The following ASIC2 variants were observed in gnomAD, a reference collection of about 807,000 sequenced individuals.
ASIC2 encodes the protein acid-sensing ion channel 2.
ASIC2 carries 25 observed loss-of-function variants against 57.3 expected under a neutral mutation model. That is an observed-to-expected ratio of 0.44 (90% CI 0.32 to 0.61). The LOEUF is 0.61. Ranked by LOEUF, ASIC2 falls within the 20% of genes least tolerant of loss-of-function variation. The pLI is 0.06. For synonymous variants in ASIC2, 319 were observed against 307.5 expected, an observed-to-expected ratio of 1.04 and a Z score of -0.39; for missense variants, 641 against 738.1, an observed-to-expected ratio of 0.87 and a Z score of 1.52.
At chr17:33,457,487 G>C (rs1020777939) in intron 1 of ASIC2, among the ~76,000 whole-genome samples, 3 of 152,092 alleles carry the variant, frequency 2.0e-5, no homozygotes, top group African/African-American at 7.2e-5. Context: ...ATTGCCAATT[G>C]AACAACTGCT....
At chr17:33,491,066 C>T (rs1218340261) in intron 1 of ASIC2, among the ~76,000 whole-genome samples, 2 of 152,194 alleles carry the variant, frequency 1.3e-5, no homozygotes, top group Non-Finnish European at 2.9e-5. Context: ...TGTTCCTCTT[C>T]CTCTGCAGCT....
At position 33,265,634 on chromosome 17, in the gene ASIC2, C is replaced by T. The variant is rs868333037; in HGVS notation, c.708+25774G>A. Among the ~76,000 whole-genome samples the T allele has an allele frequency of 1.8e-4, 28 of 152,128 alleles. No homozygotes were observed. The Middle Eastern group carries it at 0.01, about 55-fold the overall frequency. ...TATTTACCTATGTAAGAAACCTGCA[C>T]GTCCTGCACATGAACCCTGGAATGT... is the stretch of plus-strand genomic sequence containing the variant. On this transcript the variant is annotated intron_variant, in intron 1 of 9. Coordinates refer to ENST00000225823, the MANE Select transcript of ASIC2 (RefSeq NM_183377.2).
intron 1 of ASIC2, among the ~76,000 whole-genome samples, chr17:33,988,921 G>C (rs575549481): frequency 6.6e-6 from 1 of 152,056 alleles, no homozygotes; most frequent in Non-Finnish European, 1.5e-5. Flanking sequence ...TCTGAGTCAG[G>C]CTGAGCCAAA....
At chr17:33,718,487 C>T (rs1346574588) in intron 1 of ASIC2, among the ~76,000 whole-genome samples, 1 of 151,894 alleles carries the variant, frequency 6.6e-6, no homozygotes, top group Admixed American at 6.6e-5. Context: ...TGAGAAGATG[C>T]CCTTGTAGTA....
intron 1 of ASIC2, among the ~76,000 whole-genome samples, chr17:33,763,688 A>G (rs1274614352): frequency 6.6e-6 from 1 of 152,192 alleles, no homozygotes; most frequent in Non-Finnish European, 1.5e-5. Flanking sequence ...CCTCTGCTGC[A>G]TATTCCAAAT....
chr17:33,615,326 A>G (rs1366942768), intron 1 of ASIC2, among the ~76,000 whole-genome samples: 1 of 152,228 alleles, frequency 6.6e-6, no homozygotes, highest in African/African-American at 2.4e-5. Flanking sequence ...TTCTTTCACC[A>G]AAAGTGGGTG....
chr17:34,132,306 A>G (rs1912002315), intron 1 of ASIC2, among the ~76,000 whole-genome samples: 1 of 152,154 alleles, frequency 6.6e-6, no homozygotes, highest in Non-Finnish European at 1.5e-5. Context: ...AGACCCAAAG[A>G]GTGAGCAGCA....
intron 1 of ASIC2, among the ~76,000 whole-genome samples, chr17:33,879,133 G>T (rs1265841168): frequency 2.0e-5 from 3 of 152,160 alleles, no homozygotes; most frequent in African/African-American, 4.8e-5. Flanking sequence ...GGAACAACCG[G>T]TACCAGCCAC....
intron 1 of ASIC2, among the ~76,000 whole-genome samples, chr17:33,618,016 C>T (rs1353006804): frequency 1.3e-5 from 2 of 152,146 alleles, no homozygotes; most frequent in Non-Finnish European, 2.9e-5. Context: ...AATGAATGCT[C>T]ATGCTGCACA....
chr17:33,838,476 C>A (rs554087416), intron 1 of ASIC2, among the ~76,000 whole-genome samples: 1 of 152,162 alleles, frequency 6.6e-6, no homozygotes, highest in African/African-American at 2.4e-5. Context: ...TCAGATGACA[C>A]ATTCTTAAAG....
intron 1 of ASIC2, among the ~76,000 whole-genome samples, chr17:33,314,962 A>T (rs1906583763): frequency 6.6e-6 from 1 of 152,160 alleles, no homozygotes; most frequent in East Asian, 1.9e-4. Context: ...CAAAGGGATT[A>T]AGGAAATTGG....
At chr17:33,789,046 G>C (rs909578076) in intron 1 of ASIC2, among the ~76,000 whole-genome samples, 1 of 152,102 alleles carries the variant, frequency 6.6e-6, no homozygotes, top group African/African-American at 2.4e-5. Flanking sequence ...AAGAAAAAAA[G>C]TGTGTAACAC....
chr17:33,068,060 C>T (rs1446259105), intron 3 of ASIC2, among the ~76,000 whole-genome samples: 2 of 152,114 alleles, frequency 1.3e-5, no homozygotes, highest in Admixed American at 6.5e-5. Flanking sequence ...AGATGCTTGC[C>T]CACTCAGACA....
At chr17:33,125,144 G>A (rs564514532) in intron 1 of ASIC2, among the ~76,000 whole-genome samples, 27 of 152,350 alleles carry the variant, frequency 1.8e-4, no homozygotes, top group Middle Eastern at 6.8e-3. Context: ...TCTGTGGCCT[G>A]GGGGTTGGGG....
chr17:33,842,774 C>T (rs1354363916), intron 1 of ASIC2, among the ~76,000 whole-genome samples: 1 of 152,124 alleles, frequency 6.6e-6, no homozygotes, highest in Non-Finnish European at 1.5e-5. Context: ...GAGGCAAGCA[C>T]TGGGAACATT....
At chr17:33,414,113 CT>C (rs769910423) in intron 1 of ASIC2, among the ~76,000 whole-genome samples, 17 of 152,246 alleles carry the variant, frequency 1.1e-4, no homozygotes, top group South Asian at 2.1e-4. Flanking sequence ...TGTCCCACCC[CT>C]GCGAGGCTCT....
At chr17:33,999,874 T>G (rs990329168) in intron 1 of ASIC2, among the ~76,000 whole-genome samples, 5 of 152,154 alleles carry the variant, frequency 3.3e-5, no homozygotes, top group Non-Finnish European at 7.4e-5. Flanking sequence ...TTCATGTTTT[T>G]ATGCTGTTAA....
intron 1 of ASIC2, among the ~76,000 whole-genome samples, chr17:33,163,252 A>G (rs894608340): frequency 2.6e-5 from 4 of 152,188 alleles, no homozygotes; most frequent in African/African-American, 4.8e-5. Context: ...AAACAGCAGC[A>G]TGACCTTCTA....
intron 1 of ASIC2, among the ~76,000 whole-genome samples, chr17:33,130,400 G>T (rs1236792191): frequency 6.6e-6 from 1 of 152,090 alleles, no homozygotes; most frequent in Non-Finnish European, 1.5e-5. Context: ...GGTACAAGGG[G>T]TTCATTAAAC....
Sources: allele counts gnomAD v4.1 joint callset (sites outside exome capture counted in the v4.1 genomes callset), GRCh38; gene constraint gnomAD v4.1.1; transcripts MANE v1.5; gene names NCBI Gene and HGNC (gene_info 2026-07-23, HGNC 2026-07-21).